Variants in CHCHD6 observed in about 807,000 individuals in gnomAD.
CHCHD6 encodes MICOS complex subunit MIC25.
Under a neutral mutation model 32.3 loss-of-function variants are expected in CHCHD6, and 28 were observed. The observed-to-expected ratio is 0.87, with a 90% CI of 0.64 to 1.19. The LOEUF (loss-of-function observed/expected upper bound fraction) is 1.19. CHCHD6 is among the 50% of genes most tolerant of loss of function. CHCHD6 has a pLI of 0.00. For synonymous variants in CHCHD6, 122 were observed against 117.5 expected, an observed-to-expected ratio of 1.04 and a Z score of -0.25; for missense variants, 333 against 307.0, an observed-to-expected ratio of 1.08 and a Z score of -0.63.
intron 4 of CHCHD6, among the ~76,000 whole-genome samples, chr3:126,842,976 T>C (rs1941159378): frequency 6.6e-6 from 1 of 152,134 alleles, no homozygotes; most frequent in African/African-American, 2.4e-5. Context: ...ATACTCTAAA[T>C]CTTTTTAACC....
At chr3:126,868,254 G>A (rs916921941) in intron 5 of CHCHD6, among the ~76,000 whole-genome samples, 1 of 152,212 alleles carries the variant, frequency 6.6e-6, no homozygotes, top group Non-Finnish European at 1.5e-5. Flanking sequence ...CATCAGAGAC[G>A]AGCCAGTGGC....
At chr3:126,912,211 A>G (rs1168553932) in intron 5 of CHCHD6, among the ~76,000 whole-genome samples, 1 of 152,162 alleles carries the variant, frequency 6.6e-6, no homozygotes, top group Non-Finnish European at 1.5e-5. Flanking sequence ...CCATCTCCTG[A>G]TGAGGTCTCA....
At chr3:126,820,475 G>A (rs1940099791) in intron 4 of CHCHD6, among the ~76,000 whole-genome samples, 1 of 152,180 alleles carries the variant, frequency 6.6e-6, no homozygotes, top group Admixed American at 6.5e-5. Context: ...GAAGAATACA[G>A]GACAGTGTTC....
At chr3:126,868,730 T>C (rs1243844751) in intron 5 of CHCHD6, among the ~76,000 whole-genome samples, 1 of 152,230 alleles carries the variant, frequency 6.6e-6, no homozygotes, top group Non-Finnish European at 1.5e-5. Flanking sequence ...CCACATCAAA[T>C]CTATGTGCAT....
intron 5 of CHCHD6, among the ~76,000 whole-genome samples, chr3:126,859,934 A>T (rs1382254327): frequency 6.6e-6 from 1 of 152,158 alleles, no homozygotes; most frequent in Non-Finnish European, 1.5e-5. Flanking sequence ...CTGCATTGTC[A>T]TGGAGACTGA....
At chr3:126,958,129 C>T (rs1297083075) in intron 7 of CHCHD6, among the ~76,000 whole-genome samples, 2 of 151,546 alleles carry the variant, frequency 1.3e-5, no homozygotes, top group South Asian at 2.1e-4. Context: ...GCCTGTGATG[C>T]GCTCCCAGCC....
At chr3:126,793,255 CTTTTTGT>C (rs1938635310) in intron 4 of CHCHD6, among the ~76,000 whole-genome samples, 1 of 152,062 alleles carries the variant, frequency 6.6e-6, no homozygotes, top group African/African-American at 2.4e-5. Flanking sequence ...TGCCATTTTA[CTTTTTGT>C]TTTCTGTATG....
At chr3:126,741,451 C>T (rs1936285335) in intron 4 of CHCHD6, among the ~76,000 whole-genome samples, 1 of 151,896 alleles carries the variant, frequency 6.6e-6, no homozygotes, top group Admixed American at 6.6e-5. Flanking sequence ...CCTAGAAACA[C>T]TTTATTGATG....
Position 126,819,620 on chromosome 3 carries a change from A to G in CHCHD6, c.412-33027A>G, listed in dbSNP as rs543207734. 3.9e-5 allele frequency among the ~76,000 whole-genome samples: 6 copies of G among 152,314 alleles called. No homozygotes were observed. In the South Asian group the frequency reaches 6.2e-4, roughly 16 times the overall value. On this transcript the variant is annotated intron_variant, in intron 4 of 7. Transcript: ENST00000290913. ...CAGCCCTCCAGAAAACTGCTGTCCT[A>G]TCCTTAGCCCTCAGCATCTGTGAGT...
intron 2 of CHCHD6, among the ~76,000 whole-genome samples, chr3:126,728,191 G>A (rs1576344544): frequency 1.3e-5 from 2 of 152,206 alleles, no homozygotes; most frequent in Admixed American, 1.3e-4. Context: ...ACCAAGTCCT[G>A]TGCCCTGTGC....
intron 5 of CHCHD6, among the ~76,000 whole-genome samples, chr3:126,906,668 C>G (rs2078012502): frequency 6.6e-6 from 1 of 152,242 alleles, no homozygotes; most frequent in Non-Finnish European, 1.5e-5. Context: ...AATACCCCTA[C>G]CTTGTTGTTC....
intron 4 of CHCHD6, among the ~76,000 whole-genome samples, chr3:126,752,579 G>A (rs1936771264): frequency 6.6e-6 from 1 of 152,206 alleles, no homozygotes; most frequent in Non-Finnish European, 1.5e-5. Flanking sequence ...TCTACCCAAG[G>A]CCTGATCTTT....
At chr3:126,860,127 C>T (rs1941807211) in intron 5 of CHCHD6, among the ~76,000 whole-genome samples, 1 of 152,096 alleles carries the variant, frequency 6.6e-6, no homozygotes, top group East Asian at 1.9e-4. Flanking sequence ...AGATTCAGAG[C>T]AGGGTCCCCT....
intron 4 of CHCHD6, among the ~76,000 whole-genome samples, chr3:126,755,654 A>G (rs1260887533): frequency 6.6e-6 from 1 of 152,290 alleles, no homozygotes; most frequent in East Asian, 1.9e-4. Flanking sequence ...AAAAAATAGA[A>G]CATTCTATTA....
intron 1 of CHCHD6, among the ~76,000 whole-genome samples, chr3:126,711,730 A>G (rs972517043): frequency 1.3e-5 from 2 of 152,226 alleles, no homozygotes; most frequent in Non-Finnish European, 2.9e-5. Flanking sequence ...CTGGTCTTCC[A>G]CAGCTGTAAA....
chr3:126,891,316 C>T (rs889115402), intron 5 of CHCHD6, among the ~76,000 whole-genome samples: 3 of 152,058 alleles, frequency 2.0e-5, no homozygotes, highest in Non-Finnish European at 2.9e-5. Flanking sequence ...GATCTGGACC[C>T]GAGCTCTGGG....
intron 1 of CHCHD6, among the ~76,000 whole-genome samples, chr3:126,711,269 G>C (rs1049493657): frequency 6.6e-6 from 1 of 152,146 alleles, no homozygotes; most frequent in African/African-American, 2.4e-5. Context: ...TGGCGATCTT[G>C]TGGCAGCTGT....
chr3:126,918,156 A>C (rs953517954), intron 6 of CHCHD6, among the ~76,000 whole-genome samples: 1 of 152,242 alleles, frequency 6.6e-6, no homozygotes, highest in African/African-American at 2.4e-5. Context: ...GAAATTACTT[A>C]AACATCTAGA....
intron 1 of CHCHD6, among the ~76,000 whole-genome samples, chr3:126,721,272 G>C (rs1206360142): frequency 6.6e-6 from 1 of 152,140 alleles, no homozygotes; most frequent in Non-Finnish European, 1.5e-5. Flanking sequence ...CTTCATCCAA[G>C]TCCTTCCACC....
Sources: gnomAD v4.1 joint callset for allele counts (sites outside exome capture counted in the v4.1 genomes callset) on GRCh38, gnomAD v4.1.1 for gene constraint, MANE v1.5 for transcripts, NCBI Gene and HGNC (gene_info 2026-07-23, HGNC 2026-07-21) for gene names.